Variants in MDGA2 observed in about 807,000 individuals in gnomAD.
The protein encoded by MDGA2 is MAM domain-containing glycosylphosphatidylinositol anchor protein 2.
A neutral mutation model predicts 117.8 loss-of-function variants in MDGA2; 40 were observed. The ratio of observed to expected loss-of-function variants is 0.34; its 90% CI spans 0.26 to 0.44. MDGA2 has a LOEUF of 0.44. Among genes scored for constraint, MDGA2 ranks in the 20% least tolerant of loss-of-function variants. The probability of loss-of-function intolerance (pLI) is 1.00; values close to 1 mark genes in which losing one functional copy is unlikely to be tolerated. For missense variants in MDGA2, 1,123 were observed against 1,250.6 expected (o/e 0.90, Z 1.54); for synonymous variants, 452 against 439.0 (o/e 1.03, Z -0.37).
intron 8 of MDGA2, among the ~76,000 whole-genome samples, chr14:47,006,372 TA>T (rs1312964868): frequency 6.8e-6 from 1 of 147,406 alleles, no homozygotes; most frequent in African/African-American, 2.5e-5. Flanking sequence ...CAACATATAT[TA>T]AAAATATTAT....
chr14:47,560,899 A>G (rs998557056), intron 1 of MDGA2, among the ~76,000 whole-genome samples: 1 of 152,026 alleles, frequency 6.6e-6, no homozygotes, highest in Non-Finnish European at 1.5e-5. Context: ...TTCAGTTTCA[A>G]TCTTCTGCAT....
At chr14:47,023,838 G>A (rs57900274) in intron 8 of MDGA2, among the ~76,000 whole-genome samples, 22,200 of 152,090 alleles carry the variant, frequency 0.15, 1,699 homozygotes, top group Admixed American at 0.22. Context: ...ACAAATTTGG[G>A]GAAGATCTGC....
chr14:47,195,047 A>T (rs1354541603), intron 3 of MDGA2, among the ~76,000 whole-genome samples: 1 of 152,050 alleles, frequency 6.6e-6, no homozygotes, highest in Non-Finnish European at 1.5e-5. Context: ...CTGGTGCAAT[A>T]AGGTACAATT....
At chr14:47,106,948 C>T (rs12586854) in intron 5 of MDGA2, among the ~76,000 whole-genome samples, 25,595 of 88,284 alleles carry the variant, frequency 0.29, 4,916 homozygotes, top group African/African-American at 0.37. Flanking sequence ...CTTATTAGGC[C>T]GAGACACTTT....
chr14:47,653,043 C>T (rs1338403102), intron 1 of MDGA2, among the ~76,000 whole-genome samples: 1 of 151,210 alleles, frequency 6.6e-6, no homozygotes, highest in Non-Finnish European at 1.5e-5. Flanking sequence ...AAAACCAACT[C>T]ATGGAGCCAC....
At chr14:47,498,340 T>G (rs529071057) in intron 1 of MDGA2, among the ~76,000 whole-genome samples, 2 of 152,338 alleles carry the variant, frequency 1.3e-5, no homozygotes, top group African/African-American at 4.8e-5. Context: ...TTATATGCAT[T>G]GCAACTTGTT....
intron 1 of MDGA2, among the ~76,000 whole-genome samples, chr14:47,312,255 T>C (rs545654356): frequency 6.6e-6 from 1 of 152,256 alleles, no homozygotes; most frequent in East Asian, 1.9e-4. Flanking sequence ...TTCACATATG[T>C]GGCAATGTGG....
intron 3 of MDGA2, among the ~76,000 whole-genome samples, chr14:47,146,923 T>C (rs953446405): frequency 2.6e-5 from 4 of 152,176 alleles, no homozygotes; most frequent in African/African-American, 4.8e-5. Context: ...TTTTGGGTCA[T>C]TGGTTTTCAA....
At chr14:47,438,532 C>T (rs1233729484) in intron 1 of MDGA2, among the ~76,000 whole-genome samples, 1 of 152,132 alleles carries the variant, frequency 6.6e-6, no homozygotes, top group Non-Finnish European at 1.5e-5. Context: ...AAACAGCTCC[C>T]GTTTCTCATA....
Position 47,225,725 on chromosome 14 carries a change from A to G in MDGA2, c.421-7530T>C, listed in dbSNP as rs112307497. The stretch of plus-strand genomic sequence containing the variant: ...ATACCTAATGCTAAATGACGAGTTA[A>G]TGGGTGCAGCGCACCAGCATGGCAC... On this transcript the variant is annotated intron_variant, in intron 2 of 16. Transcript: ENST00000399232. 1.1e-4 allele frequency among the ~76,000 whole-genome samples: 17 copies of G among 152,088 alleles called. 1 individual carries two copies. The highest frequency in any genetic ancestry group is 4.1e-4 in the African/African-American group (17 of 41,494).
rs72680245 is a variant in MDGA2 at position 47,230,669 on chromosome 14, T to A, written c.421-12474A>T. Among the ~76,000 whole-genome samples, 1,332 of 152,102 alleles carry A rather than the reference T, an allele frequency of 8.8e-3. 10 individuals are homozygous for A. Among genetic ancestry groups the A allele is most frequent in the Non-Finnish European group, 0.013 (907 of 67,892 alleles). On this transcript the variant is annotated intron_variant, in intron 2 of 16. Coordinates refer to ENST00000399232, the MANE Select transcript of MDGA2 (RefSeq NM_001113498.3). ...TAGGAACAAGAACAACAACACATTA[T>A]ATGGGTACCTTGCAACACTTGGAGA... is the stretch of plus-strand genomic sequence containing the variant.
At chr14:47,417,536 C>T (rs112491302) in intron 1 of MDGA2, among the ~76,000 whole-genome samples, 107 of 152,262 alleles carry the variant, frequency 7.0e-4, no homozygotes, top group African/African-American at 2.5e-3. Flanking sequence ...TACAGCTCTC[C>T]TCTTTTCTTT....
chr14:47,341,282 C>T (rs1048023568), intron 1 of MDGA2, among the ~76,000 whole-genome samples: 1 of 152,090 alleles, frequency 6.6e-6, no homozygotes, highest in African/African-American at 2.4e-5. Flanking sequence ...TAATAATATT[C>T]GCCATAAGAA....
At chr14:47,206,451 C>G (rs143598955) in intron 3 of MDGA2, among the ~76,000 whole-genome samples, 3 of 151,586 alleles carry the variant, frequency 2.0e-5, no homozygotes, top group African/African-American at 7.3e-5. Flanking sequence ...AATAGCCTGG[C>G]ATGTTGGCAC....
intron 8 of MDGA2, among the ~76,000 whole-genome samples, chr14:46,974,603 G>C (rs1179298736): frequency 6.6e-6 from 1 of 152,110 alleles, no homozygotes; most frequent in Non-Finnish European, 1.5e-5. Flanking sequence ...TTGTACAAAA[G>C]AGGCAAGGTC....
chr14:47,119,944 A>G (rs148432426), intron 5 of MDGA2, among the ~76,000 whole-genome samples: 25 of 152,244 alleles, frequency 1.6e-4, no homozygotes, highest in Admixed American at 3.3e-4. Context: ...ATTCTCATCT[A>G]CTGTTACTTG....
chr14:46,845,614 A>G (rs1385987281), intron 16 of MDGA2, 152 bp downstream of exon 16: 2 of 478,742 alleles, frequency 4.2e-6, no homozygotes, highest in East Asian at 6.6e-5. Context: ...TTTAAAAATA[A>G]CTGAACAAAC....
chr14:47,200,499 T>G, intron 3 of MDGA2: 24 of 564,804 alleles, frequency 4.2e-5, no homozygotes, highest in East Asian at 6.2e-5. Flanking sequence ...CCACTTCCCT[T>G]TTTCTATTTT....
rs541403387 is a variant in MDGA2, at chr14:47,291,304, A to G, written c.420+10107T>C. ...CTATCTTATTCTGCACCCCATTCTT[A>G]GTGATAGGACTTGTGAAGAGCAACA... On this transcript the variant is annotated intron_variant, in intron 2 of 16. Transcript: ENST00000399232. 3.9e-5 allele frequency among the ~76,000 whole-genome samples: 6 copies of G among 152,280 alleles called. No individual in the cohort carries two copies. In the South Asian group the frequency reaches 1.2e-3, roughly 32 times the overall value.
Sources: gnomAD v4.1 joint callset for allele counts (sites outside exome capture counted in the v4.1 genomes callset) on GRCh38, gnomAD v4.1.1 for gene constraint, MANE v1.5 for transcripts, NCBI Gene and HGNC (gene_info 2026-07-23, HGNC 2026-07-21) for gene names.